Variants in FHL1 observed in about 807,000 individuals in gnomAD.
FHL1 encodes four and a half LIM domains 1.
Under a neutral mutation model 20.3 loss-of-function variants are expected in FHL1, and 1 was observed. The observed-to-expected ratio is 0.05, with a 90% CI of 0.02 to 0.23. The LOEUF (loss-of-function observed/expected upper bound fraction) is 0.23, where lower values mean the gene tolerates loss of function less well. FHL1 is among the 10% of genes least tolerant of loss of function. FHL1 has a pLI of 1.00. For missense variants in FHL1, 177 were observed against 234.0 expected, an observed-to-expected ratio of 0.76 and a Z score of 1.59; for synonymous variants, 82 against 88.9, an observed-to-expected ratio of 0.92 and a Z score of 0.44.
intron 2 of FHL1, among the ~76,000 whole-genome samples, chrX:136,190,235 G>T (rs1195181946): frequency 1.8e-5 from 2 of 111,240 alleles, no homozygotes; most frequent in Non-Finnish European, 3.8e-5. Flanking sequence ...TCTGGACTTC[G>T]TGTTCCTGTC....
intron 4 of FHL1, 138 bp downstream of exon 4, chrX:136,208,099 G>A: frequency 1.2e-6 from 1 of 804,019 alleles, no homozygotes; most frequent in South Asian, 2.3e-5. Context: ...CCGTTTTACA[G>A]ATGAGGAGAT....
In FHL1 at chrX:136,210,422, C is replaced by T. The variant is rs2073981838; in HGVS notation, c.*397C>T. ...TGGGACCCACCGTGTAGACACACGA[C>T]ATGCAAGAGTTGCAGCGGCTGCTCC... On this transcript the variant is annotated 3_prime_UTR_variant, in exon 6 of 6. Coordinates refer to ENST00000370683, the MANE Select transcript of FHL1 (RefSeq NM_001159699.2). 2 of 393,286 alleles carry T rather than the reference C, an allele frequency of 5.1e-6. No homozygotes were observed. The highest frequency in any genetic ancestry group is 2.9e-5 in the Admixed American group (1 of 34,151). The allele number at this position is 393,286 out of a possible 1,213,427, so 32.4% of individuals were successfully genotyped here.
At chrX:136,153,073 T>C (rs1183302811) in intron 1 of FHL1, among the ~76,000 whole-genome samples, 4 of 112,098 alleles carry the variant, frequency 3.6e-5, no homozygotes, top group Non-Finnish European at 7.5e-5. Context: ...TTTTACACAA[T>C]TTAAACATTT....
chrX:136,209,778 C>A, intron 5 of FHL1, 93 bp from the exon 6 acceptor site: 1 of 1,030,893 alleles, frequency 9.7e-7, no homozygotes, highest in East Asian at 3.2e-5. Context: ...TGGGGCAGGT[C>A]GTCATTTTAT....
At chrX:136,202,101 A>G (rs752932417) in intron 1 of FHL1, among the ~76,000 whole-genome samples, 47 of 112,499 alleles carry the variant, frequency 4.2e-4, no homozygotes, top group Non-Finnish European at 7.9e-4. Context: ...ATGGTGGCTC[A>G]TGCCTGCAAT....
At chrX:136,209,466 C>T in intron 5 of FHL1, 1 of 1,196,781 alleles carries the variant, frequency 8.4e-7, no homozygotes, top group South Asian at 1.8e-5. Context: ...CCACGAACAG[C>T]CCAAGTTTGC....
intron 1 of FHL1, among the ~76,000 whole-genome samples, chrX:136,161,805 C>G (rs1343027495): frequency 8.9e-6 from 1 of 111,929 alleles, no homozygotes; most frequent in Admixed American, 9.5e-5. Context: ...TTGCTAGATG[C>G]TGTGGGGAGC....
At chrX:136,203,762 A>AT (rs1453665767) in intron 1 of FHL1, among the ~76,000 whole-genome samples, 4 of 112,143 alleles carry the variant, frequency 3.6e-5, no homozygotes, top group African/African-American at 1.3e-4. Context: ...ACTTTGAACC[A>AT]TAATGCAGTT....
chrX:136,196,863 G>T (rs774418125), upstream of FHL1: 17 of 1,163,229 alleles, frequency 1.5e-5, no homozygotes, highest in African/African-American at 1.8e-4. Context: ...TAGCCCCGCA[G>T]GTATTTATAT....
intron 1 of FHL1, among the ~76,000 whole-genome samples, chrX:136,197,998 T>A (rs2073605953): frequency 9.0e-6 from 1 of 111,060 alleles, no homozygotes; most frequent in Admixed American, 9.6e-5. Context: ...AATCATTTTT[T>A]AAAACTCATT....
rs140822264 is a variant in FHL1, at chrX:136,179,835, T to G, written c.-27+9855T>G. Among the ~76,000 whole-genome samples, 390 of 111,575 alleles carry G rather than the reference T, an allele frequency of 3.5e-3. 1 individual carries two copies. Among genetic ancestry groups the G allele is most frequent in the African/African-American group, 0.012 (366 of 30,738 alleles). ...TTCTTCCCGGCCTGTTATCAGCAAG[T>G]TTTTCGAACAGAAAAGTTGAAATTA... On this transcript the variant is annotated intron_variant, in intron 2 of 6. Coordinates refer to the FHL1 transcript ENST00000394153.
intron 2 of FHL1, among the ~76,000 whole-genome samples, chrX:136,181,143 A>G (rs1458791835): frequency 8.9e-6 from 1 of 112,607 alleles, no homozygotes; most frequent in Non-Finnish European, 1.9e-5. Context: ...TAGTATTTCT[A>G]TGTGGGAATA....
intron 1 of FHL1, among the ~76,000 whole-genome samples, chrX:136,154,770 T>G (rs962855846): frequency 1.7e-4 from 19 of 109,077 alleles, no homozygotes; most frequent in African/African-American, 6.0e-4. Flanking sequence ...GCAGTGGCGC[T>G]CTCTCAGCTC....
At chrX:136,209,791 C>T (rs2073956952) in intron 5 of FHL1, 80 bp from the exon 6 acceptor site, 3 of 1,093,190 alleles carry the variant, frequency 2.7e-6, no homozygotes, top group Non-Finnish European at 3.7e-6. Context: ...CATTTTATCT[C>T]TCTGAATCGT....
At chrX:136,208,023 A>G (rs1316438859) in intron 4 of FHL1, 62 bp downstream of exon 4, 5 of 1,131,326 alleles carry the variant, frequency 4.4e-6, no homozygotes, top group Non-Finnish European at 6.1e-6. Flanking sequence ...CAGTTTGCAG[A>G]GCACTTCCAC....
chrX:136,172,381 T>C (rs751811747), intron 2 of FHL1, among the ~76,000 whole-genome samples: 26 of 112,615 alleles, frequency 2.3e-4, no homozygotes, highest in Non-Finnish European at 3.9e-4. Flanking sequence ...GGGTGGGACA[T>C]GCCTAGATTA....
chrX:136,206,904 G>C lies in FHL1; in HGVS notation c.205-112G>C, dbSNP rs965134992. On this transcript the variant is annotated intron_variant, in intron 2 of 5. Transcript: ENST00000370683. Reference sequence around the variant, plus strand: ...CACTGTGGGGCAGTCCCAGGTGTAAGGGACTGTGTCATCTCAGTGGTCAGT... The same window carrying C: ...CACTGTGGGGCAGTCCCAGGTGTAACGGACTGTGTCATCTCAGTGGTCAGT... 4 of 853,866 alleles carry C rather than the reference G, an allele frequency of 4.7e-6. No homozygotes were observed. In the Admixed American group the frequency reaches 8.9e-5, roughly 19 times the overall value. The allele number at this position is 853,866 out of a possible 1,213,427, so 70.4% of individuals were successfully genotyped here. A position where few individuals can be genotyped will look rare whatever the true frequency, so the allele number is the denominator to read the frequency against.
intron 1 of FHL1, chrX:136,169,830 T>A (rs1271131512): frequency 9.1e-6 from 3 of 331,376 alleles, no homozygotes; most frequent in East Asian, 1.9e-4. Flanking sequence ...AAGTTGACTT[T>A]ATTTTTTTAG....
intron 2 of FHL1, among the ~76,000 whole-genome samples, chrX:136,180,780 C>G (rs923960558): frequency 3.2e-4 from 25 of 79,226 alleles, no homozygotes; most frequent in African/African-American, 9.8e-4. Flanking sequence ...CTCACTCTCT[C>G]GCCCAGGCTG....
Sources: gnomAD v4.1 joint callset for allele counts (sites outside exome capture counted in the v4.1 genomes callset) on GRCh38, gnomAD v4.1.1 for gene constraint, MANE v1.5 for transcripts, NCBI Gene and HGNC (gene_info 2026-07-23, HGNC 2026-07-21) for gene names.